BRF1: variants seen among roughly 807,000 people sequenced by gnomAD.
The protein encoded by BRF1 is BRF1 general transcription factor IIIB subunit, also known as transcription factor IIIB 90 kDa subunit.
In BRF1, 59 loss-of-function variants were observed where a neutral mutation model predicts 81.7. That is an observed-to-expected ratio of 0.72 (90% CI 0.59 to 0.90). BRF1 has a LOEUF of 0.90. BRF1 is among the 40% of genes least tolerant of loss of function. BRF1 has a pLI of 0.00. For missense variants in BRF1, 1,050 were observed against 936.3 expected, an observed-to-expected ratio of 1.12 and a Z score of -1.58; for synonymous variants, 491 against 395.6, an observed-to-expected ratio of 1.24 and a Z score of -2.86.
chr14:105,309,137 G>T lies in BRF1; in HGVS notation c.-162+6185C>A, dbSNP rs951921451. 3.3e-5 allele frequency among the ~76,000 whole-genome samples: 5 copies of T among 152,046 alleles called. No individual in the cohort carries two copies. The highest frequency in any genetic ancestry group is 1.2e-4 in the African/African-American group (5 of 41,384). ...TGGCTGATTTCTGTATTAGGGCCTG[G>T]GTGTTTTCCTTTCTTTTCTAATATT... On this transcript the variant is annotated intron_variant, in intron 1 of 17. Coordinates refer to the BRF1 transcript ENST00000327359. This position sits in a 1 kb window ranked among gnomAD's most constrained non-coding sequence, Gnocchi z 4.0.
At chr14:105,242,014 T>C (rs1278628149) in intron 5 of BRF1, 1 of 155,560 alleles carries the variant, frequency 6.4e-6, no homozygotes, top group Admixed American at 6.2e-5. Flanking sequence ...AGCGACTGCA[T>C]GGACCTAAGC....
At chr14:105,268,409 G>A (rs2056516425) in intron 3 of BRF1, among the ~76,000 whole-genome samples, 1 of 152,248 alleles carries the variant, frequency 6.6e-6, no homozygotes, top group Non-Finnish European at 1.5e-5. Context: ...GACTCAGTGG[G>A]ACTCAGCAGC....
In BRF1 at chr14:105,283,915, T is replaced by C. The variant is rs1398030390; in HGVS notation, c.265+2381A>G. ...GGCAGCCTGAGGTCAGGAGGGCCCC[T>C]GGGCAGCGCAGCCCCAGCCCCCACC... On this transcript the variant is annotated intron_variant, in intron 2 of 17. Transcript: ENST00000547530. Among the ~76,000 whole-genome samples the C allele has an allele frequency of 2.6e-5, 4 of 152,162 alleles. No homozygotes were observed. In the East Asian group the frequency reaches 5.8e-4, roughly 22 times the overall value.
At chr14:105,293,311 C>T (rs587696775) in intron 1 of BRF1, among the ~76,000 whole-genome samples, 11 of 152,318 alleles carry the variant, frequency 7.2e-5, no homozygotes, top group South Asian at 6.2e-4. Context: ...AAATTAGGTC[C>T]GGCTGCATCG....
In BRF1 at chr14:105,300,696, AGCCCGCGCC is replaced by A; in HGVS notation, c.-76_-68del. 5 of 1,200,198 alleles carry A rather than the reference AGCCCGCGCC, an allele frequency of 4.2e-6. No homozygotes were observed. In the South Asian group the frequency reaches 1.8e-4, roughly 42 times the overall value. The allele number at this position is 1,200,198 out of a possible 1,614,324, so 74.3% of individuals were successfully genotyped here. A position where few individuals can be genotyped will look rare whatever the true frequency, so the allele number is the denominator to read the frequency against. On this transcript the variant is annotated 5_prime_UTR_variant, in exon 1 of 18. Transcript: ENST00000547530. ...CTCAAGCCACCCGAGCCTCCGGAGC[AGCCCGCGCC>A]GCCCGCCCAGGCCCAGCCGCCCAGG...
In BRF1 at chr14:105,284,881, C is replaced by T. The variant is rs779807116; in HGVS notation, c.265+1415G>A. On this transcript the variant is annotated intron_variant, in intron 2 of 17. Transcript: ENST00000547530. The surrounding 1 kb of genome is among the most constrained non-coding windows in gnomAD (Gnocchi z 4.0). ...AAATCCTAAGTGATCCGCTAAAAAA[C>T]TATTCAGCATAAAAAATGAGTTCAG... Among the ~76,000 whole-genome samples the T allele has an allele frequency of 6.6e-6, 1 of 152,190 alleles. No individual in the cohort carries two copies. The highest frequency in any genetic ancestry group is 1.5e-5 in the Non-Finnish European group (1 of 68,036).
Position 105,226,674 on chromosome 14 carries a change from G to T in BRF1, c.875C>A (p.Pro292His), listed in dbSNP as rs606231450. Residue 292 changes from proline (P) to histidine (H), a missense_variant, in exon 8 of 18, where the codon CCC becomes CAC. Transcript: ENST00000547530. The stretch of plus-strand genomic sequence containing the variant: ...CTTCCTCTGCCCAGCTGTGTACGAG[G>T]GGGGGTCGCACTCCTCCTCCAGGTC... Reference protein sequence around the residue: ...KIDLEEECDPPSYTAGQRKLR... With the variant: ...KIDLEEECDPHSYTAGQRKLR... The T allele has an allele frequency of 2.5e-6, 4 of 1,613,402 alleles. No individual in the cohort carries two copies. Among genetic ancestry groups the T allele is most frequent in the Admixed American group, 3.3e-5 (2 of 60,004 alleles).
At chr14:105,220,034 C>T in intron 12 of BRF1, 35 bp downstream of exon 12, 3 of 1,608,038 alleles carry the variant, frequency 1.9e-6, no homozygotes, top group Non-Finnish European at 8.5e-7. Flanking sequence ...CCCTCCCAAG[C>T]CCAGCCCCTC....
At chr14:105,215,876 G>A (rs7155574) in intron 15 of BRF1, among the ~76,000 whole-genome samples, 42,637 of 111,666 alleles carry the variant, frequency 0.38, 8,850 homozygotes, top group African/African-American at 0.62. Flanking sequence ...GCACACACAC[G>A]CTGCAGGCAT....
At chr14:105,275,622 G>A (rs587610356) in intron 2 of BRF1, among the ~76,000 whole-genome samples, 64 of 152,328 alleles carry the variant, frequency 4.2e-4, no homozygotes, top group Middle Eastern at 3.4e-3. Flanking sequence ...TAAAAGGTAA[G>A]AGAGAGGTAC....
At chr14:105,268,926 G>A (rs2056544577) in intron 3 of BRF1, among the ~76,000 whole-genome samples, 1 of 152,220 alleles carries the variant, frequency 6.6e-6, no homozygotes, top group Admixed American at 6.5e-5. Context: ...CTCCTGGGTG[G>A]ATTTTCTGTG....
chr14:105,216,033 G>GCACA (rs35541396), intron 15 of BRF1, among the ~76,000 whole-genome samples: 1 of 126,534 alleles, frequency 7.9e-6, no homozygotes, highest in Non-Finnish European at 1.7e-5. Context: ...ACAGACACAG[G>GCACA]CACACACACT....
intron 1 of BRF1, among the ~76,000 whole-genome samples, chr14:105,298,218 G>C (rs1331678082): frequency 6.6e-6 from 1 of 152,188 alleles, no homozygotes; most frequent in Non-Finnish European, 1.5e-5. Context: ...GTGACCTGCA[G>C]AGATGCACAA....
intron 11 of BRF1, 56 bp downstream of exon 11, chr14:105,221,592 C>A: frequency 6.4e-7 from 1 of 1,571,828 alleles, no homozygotes; most frequent in Non-Finnish European, 8.6e-7. Flanking sequence ...GAGAGGCACA[C>A]GCCTGAAAGA....
rs937685950 is a variant in BRF1, at chr14:105,274,450, T to G, written c.266-1556A>C. 2.0e-5 allele frequency among the ~76,000 whole-genome samples: 3 copies of G among 152,200 alleles called. No homozygotes were observed. The East Asian group carries it at 5.8e-4, about 29-fold the overall frequency. ...CCACCTGACGAGATATACCCACAGG[T>G]GTGGAGGGGCAGGCCACCCCTTCAC... On this transcript the variant is annotated intron_variant, in intron 2 of 17. Transcript: ENST00000547530.
At chr14:105,215,231 GCACA>G (rs1470045231) in intron 15 of BRF1, among the ~76,000 whole-genome samples, 14 of 150,414 alleles carry the variant, frequency 9.3e-5, no homozygotes, top group Non-Finnish European at 1.6e-4. Context: ...CACGCCCCAC[GCACA>G]CAGAGAAACA....
In BRF1 at chr14:105,211,150, G is replaced by A; in HGVS notation, c.1968C>T (p.Val656=). ...TGCTGCCCATCATCTGCAGGGCACT[G>A]ACGCAGGGCTCCCCGTCCTCCTCGT... is the stretch of plus-strand genomic sequence containing the variant. ...EPDEEDGEPC[V]SALQMMGSND... The change falls in exon 17 of 18, where the codon GTC becomes GTT. Residue 656 remains valine, a synonymous_variant. Transcript: ENST00000547530. 6.2e-7 allele frequency: 1 copy of A among 1,612,594 alleles called. No homozygotes were observed. Among genetic ancestry groups the A allele is most frequent in the Non-Finnish European group, 8.5e-7 (1 of 1,179,904 alleles).
intron 1 of BRF1, among the ~76,000 whole-genome samples, chr14:105,297,769 G>A (rs944457977): frequency 3.4e-4 from 51 of 152,192 alleles, no homozygotes; most frequent in African/African-American, 1.2e-3. Context: ...GGCTGAGGCA[G>A]GTGGATCACG....
intron 1 of BRF1, among the ~76,000 whole-genome samples, chr14:105,299,356 A>G (rs2057886942): frequency 6.6e-6 from 1 of 152,078 alleles, no homozygotes; most frequent in Admixed American, 6.6e-5. Flanking sequence ...GTATCACTTG[A>G]GCCCAGGAGT....
Sources: gnomAD v4.1 joint callset for allele counts (sites outside exome capture counted in the v4.1 genomes callset) on GRCh38, gnomAD v4.1.1 for gene constraint, Gnocchi (gnomAD v3.1) non-coding constraint, MANE v1.5 for transcripts, NCBI Gene and HGNC (gene_info 2026-07-23, HGNC 2026-07-21) for gene names.